The following LRRC28 variants were observed in gnomAD, a reference collection of about 807,000 sequenced individuals.
LRRC28 encodes the protein leucine rich repeat containing 28.
In LRRC28, 39 loss-of-function variants were observed where a neutral mutation model predicts 45.7. That is an observed-to-expected ratio of 0.85 (90% CI 0.66 to 1.12). LRRC28 has a LOEUF of 1.12. LRRC28 is among the 50% of genes most tolerant of loss of function. The pLI is 0.00. For synonymous variants in LRRC28, 206 were observed against 178.8 expected (o/e 1.15, Z -1.22); for missense variants, 435 against 438.5 (o/e 0.99, Z 0.07).
intron 9 of LRRC28, among the ~76,000 whole-genome samples, chr15:99,380,974 T>C (rs1178600502): frequency 6.6e-6 from 1 of 152,216 alleles, no homozygotes; most frequent in African/African-American, 2.4e-5. Flanking sequence ...ATTTTTCCCT[T>C]CATTTCAACT....
chr15:99,311,201 T>C (rs1195794367), intron 5 of LRRC28, among the ~76,000 whole-genome samples: 2 of 152,222 alleles, frequency 1.3e-5, no homozygotes, highest in Non-Finnish European at 2.9e-5. Flanking sequence ...TGTTGTGTAC[T>C]TGCATTTTGA....
intron 6 of LRRC28, among the ~76,000 whole-genome samples, chr15:99,340,314 C>G (rs1956465332): frequency 6.6e-6 from 1 of 152,186 alleles, no homozygotes. Context: ...GCTGAAATCC[C>G]TTCTCTTTTT....
At chr15:99,257,847 T>C (rs1027255357) in intron 2 of LRRC28, 5 of 776,332 alleles carry the variant, frequency 6.4e-6, no homozygotes, top group South Asian at 1.4e-5. Flanking sequence ...TAGAGAGAAG[T>C]TGGAAAAGTT....
chr15:99,370,628 C>G (rs1023250735), intron 9 of LRRC28, among the ~76,000 whole-genome samples: 3 of 152,002 alleles, frequency 2.0e-5, no homozygotes, highest in Admixed American at 2.0e-4. Flanking sequence ...AAGCCCTTTG[C>G]CTAAAACTGT....
At chr15:99,270,301 T>G (rs1363963735) in intron 2 of LRRC28, among the ~76,000 whole-genome samples, 1 of 152,160 alleles carries the variant, frequency 6.6e-6, no homozygotes, top group Non-Finnish European at 1.5e-5. Flanking sequence ...ATAAAATTAA[T>G]CCTATTGAAA....
At chr15:99,313,112 A>C (rs1955473281) in intron 5 of LRRC28, among the ~76,000 whole-genome samples, 1 of 152,204 alleles carries the variant, frequency 6.6e-6, no homozygotes. Flanking sequence ...CCTTGCAAAC[A>C]GGAAATAATA....
At chr15:99,316,144 A>G (rs923418867) in intron 5 of LRRC28, among the ~76,000 whole-genome samples, 1 of 152,204 alleles carries the variant, frequency 6.6e-6, no homozygotes, top group Non-Finnish European at 1.5e-5. Context: ...CCTTTTATAA[A>G]GTTTGTTGTA....
intron 3 of LRRC28, among the ~76,000 whole-genome samples, chr15:99,286,392 A>G (rs1010204173): frequency 1.3e-5 from 2 of 152,224 alleles, no homozygotes; most frequent in African/African-American, 2.4e-5. Context: ...TTGCCTCCCA[A>G]AGTGCTGGGA....
intron 6 of LRRC28, among the ~76,000 whole-genome samples, chr15:99,351,234 C>T (rs1414881811): frequency 1.3e-5 from 2 of 152,104 alleles, no homozygotes; most frequent in Non-Finnish European, 2.9e-5. Context: ...GAGAGCTGGT[C>T]GGACATTCCT....
chr15:99,374,230 C>T (rs555045822), intron 9 of LRRC28, among the ~76,000 whole-genome samples: 1 of 152,304 alleles, frequency 6.6e-6, no homozygotes, highest in East Asian at 1.9e-4. Flanking sequence ...AATGTATGAA[C>T]ATGATGCGTC....
At chr15:99,266,755 TATG>T (rs2081343210) in intron 2 of LRRC28, among the ~76,000 whole-genome samples, 1 of 152,212 alleles carries the variant, frequency 6.6e-6, no homozygotes. Flanking sequence ...TTTGTTAAAA[TATG>T]ATAGCAGCTA....
intron 6 of LRRC28, among the ~76,000 whole-genome samples, chr15:99,346,871 T>C (rs1443829795): frequency 6.6e-6 from 1 of 152,184 alleles, no homozygotes; most frequent in Non-Finnish European, 1.5e-5. Flanking sequence ...TTATTTTCCA[T>C]TGAAGAAGTT....
chr15:99,324,938 T>C (rs920608154), intron 5 of LRRC28, among the ~76,000 whole-genome samples: 3 of 152,176 alleles, frequency 2.0e-5, no homozygotes, highest in Non-Finnish European at 4.4e-5. Flanking sequence ...GCAATAAATA[T>C]TTAAAATCAG....
intron 9 of LRRC28, among the ~76,000 whole-genome samples, chr15:99,366,994 C>T (rs972143156): frequency 4.6e-5 from 7 of 152,178 alleles, no homozygotes; most frequent in Non-Finnish European, 8.8e-5. Context: ...CACCAGCAAC[C>T]AGTCAGTCAG....
chr15:99,381,351 T>A (rs1249566083), intron 9 of LRRC28, among the ~76,000 whole-genome samples: 1 of 152,260 alleles, frequency 6.6e-6, no homozygotes, highest in Admixed American at 6.5e-5. Context: ...GCATTTGTCA[T>A]GTAGTTCTCG....
At chr15:99,327,645 A>G (rs1272309652) in intron 5 of LRRC28, among the ~76,000 whole-genome samples, 9 of 151,820 alleles carry the variant, frequency 5.9e-5, no homozygotes, top group South Asian at 4.2e-4. Flanking sequence ...AGGTTTGTCA[A>G]TTTTGTTGTC....
chr15:99,329,064 A>G (rs1398124234), intron 5 of LRRC28, among the ~76,000 whole-genome samples: 4 of 152,102 alleles, frequency 2.6e-5, no homozygotes, highest in Non-Finnish European at 5.9e-5. Flanking sequence ...TCTAATACAG[A>G]TTTGGTATTG....
At chr15:99,322,005 C>G (rs543481083) in intron 5 of LRRC28, among the ~76,000 whole-genome samples, 4 of 152,266 alleles carry the variant, frequency 2.6e-5, no homozygotes, top group Admixed American at 2.0e-4. Flanking sequence ...TGGTAACATT[C>G]TGAAACACAA....
At chr15:99,373,379 T>A (rs1276417744) in intron 9 of LRRC28, among the ~76,000 whole-genome samples, 5 of 152,272 alleles carry the variant, frequency 3.3e-5, no homozygotes, top group South Asian at 2.1e-4. Context: ...AAATTATTTT[T>A]AAAATTTTTT....
Sources: allele counts gnomAD v4.1 joint callset (sites outside exome capture counted in the v4.1 genomes callset), GRCh38; gene constraint gnomAD v4.1.1; transcripts MANE v1.5; gene names NCBI Gene and HGNC (gene_info 2026-07-23, HGNC 2026-07-21).